EIF2AK4: variants seen among roughly 807,000 people sequenced by gnomAD.
EIF2AK4 encodes the protein eukaryotic translation initiation factor 2 alpha kinase 4, also known as eIF-2-alpha kinase GCN2.
In EIF2AK4, 139 loss-of-function variants were observed where a neutral mutation model predicts 211.1. That is an observed-to-expected ratio of 0.66 (90% CI 0.57 to 0.76). The LOEUF (loss-of-function observed/expected upper bound fraction) is 0.76, where lower values mean the gene tolerates loss of function less well. Among genes scored for constraint, EIF2AK4 ranks in the 30% least tolerant of loss-of-function variants. The probability of loss-of-function intolerance (pLI) is 0.00; values close to 1 mark genes in which losing one functional copy is unlikely to be tolerated. For synonymous variants in EIF2AK4, 710 were observed against 751.3 expected (o/e 0.94, Z 0.90); for missense variants, 1,664 against 2,043.8 (o/e 0.81, Z 3.58).
chr15:40,016,572 T>C lies in EIF2AK4; in HGVS notation c.3830T>C (p.Leu1277Ser). Residue 1277 changes from leucine to serine, a missense_variant, in exon 28 of 39, where the codon TTA becomes TCA. Leu to Ser is a moderately radical substitution (Grantham distance 145, BLOSUM62 -2). Coordinates refer to ENST00000263791, the MANE Select transcript of EIF2AK4 (RefSeq NM_001013703.4). The part of the protein sequence containing the change: ...LQDLMPTINS[L>S]IKQKTGIAQL... ...GATCTTATGCCAACAATAAATTCAT[T>C]AATAAAACAGAAAACAGGTATTGCA... 1 of 1,614,154 alleles carries C rather than the reference T, an allele frequency of 6.2e-7. No homozygotes were observed. Among genetic ancestry groups the C allele is most frequent in the South Asian group, 1.1e-5 (1 of 91,078 alleles).
intron 19 of EIF2AK4, 79 bp from the exon 20 acceptor site, chr15:39,998,652 A>C: frequency 2.6e-6 from 3 of 1,144,716 alleles, no homozygotes; most frequent in Non-Finnish European, 3.8e-6. Flanking sequence ...TCTGTATTTG[A>C]TTTTCTTACT....
At chr15:40,000,807 C>A (rs2035079401) in intron 20 of EIF2AK4, among the ~76,000 whole-genome samples, 181 bp from the exon 21 acceptor site, 1 of 149,892 alleles carries the variant, frequency 6.7e-6, no homozygotes, top group East Asian at 1.9e-4. Context: ...CATTGTTGCA[C>A]AACTCTGTGG....
rs1220017483 is a variant in EIF2AK4, at chr15:40,022,531, T to C, written c.4315T>C (p.Leu1439=). ...TTGTTTGTTTCAGTCCCAAGAGGAA[T>C]TACAAGAGTACTGCAGACATCATGA... ...MYDWSQSQEE[L]QEYCRHHEIT... The change falls in exon 32 of 39, where the codon TTA becomes CTA. Residue 1439 remains leucine, a synonymous_variant. Transcript: ENST00000263791. 3.1e-6 allele frequency: 5 copies of C among 1,614,104 alleles called. No individual in the cohort carries two copies. The highest frequency in any genetic ancestry group is 4.2e-6 in the Non-Finnish European group (5 of 1,179,960).
chr15:40,006,877 T>G (rs2035169141), intron 23 of EIF2AK4, 139 bp from the exon 24 acceptor site: 3 of 626,038 alleles, frequency 4.8e-6, no homozygotes, highest in Non-Finnish European at 8.4e-6. Context: ...GTGCATAACT[T>G]AGTGAATACA....
chr15:39,949,522 C>T (rs2034278048), intron 4 of EIF2AK4, among the ~76,000 whole-genome samples: 2 of 152,254 alleles, frequency 1.3e-5, no homozygotes, highest in Non-Finnish European at 2.9e-5. Flanking sequence ...ACCAAACCAC[C>T]TGTGGTCTTT....
intron 13 of EIF2AK4, among the ~76,000 whole-genome samples, chr15:39,985,111 A>T (rs2034846724): frequency 6.6e-6 from 1 of 152,164 alleles, no homozygotes; most frequent in African/African-American, 2.4e-5. Context: ...TGAGATAATC[A>T]TATGGTTTTT....
intron 8 of EIF2AK4, among the ~76,000 whole-genome samples, chr15:39,966,779 G>A (rs965209508): frequency 2.0e-5 from 3 of 151,986 alleles, no homozygotes; most frequent in African/African-American, 7.3e-5. Context: ...ATAACATGTG[G>A]GTATTTTCTA....
intron 32 of EIF2AK4, among the ~76,000 whole-genome samples, chr15:40,024,739 GT>G (rs71132136): frequency 2.0e-4 from 24 of 122,246 alleles, no homozygotes; most frequent in East Asian, 2.3e-4. Flanking sequence ...GCTTTTTTTT[GT>G]TTTTTTTTTT....
chr15:40,030,397 G>T lies in EIF2AK4; in HGVS notation c.4600G>T (p.Val1534Leu), dbSNP rs1225255765. The change falls in exon 35 of 39, where the codon GTG (valine) becomes TTG (leucine). Residue 1534 changes from valine (V) to leucine (L), a missense_variant. This residue lies in a region of EIF2AK4 where 138 missense variants were observed against 165.1 expected (regional missense o/e 0.84). Transcript: ENST00000263791. ...EIHGATVVPI[V>L]SVLAPEKLSA... The stretch of plus-strand genomic sequence containing the variant: ...CCATGGAGCAACAGTGGTTCCCATT[G>T]TGAGTGTGCTAGCCCCGGAGAAGCT... 3 of 1,614,152 alleles carry T rather than the reference G, an allele frequency of 1.9e-6. No homozygotes were observed. The highest frequency in any genetic ancestry group is 2.2e-5 in the East Asian group (1 of 44,886).
intron 29 of EIF2AK4, among the ~76,000 whole-genome samples, chr15:40,018,857 T>C (rs1258720953): frequency 1.3e-5 from 2 of 152,252 alleles, no homozygotes; most frequent in Non-Finnish European, 2.9e-5. Flanking sequence ...CAGTAGTCAC[T>C]TGTGACTAGT....
At chr15:39,975,256 T>TA (rs2034678064) in intron 11 of EIF2AK4, 1 of 152,226 alleles carries the variant, frequency 6.6e-6, no homozygotes, top group African/African-American at 2.4e-5. Context: ...ATAAGGGAGA[T>TA]AAAACCAGCA....
chr15:39,978,736 T>C (rs1036258697), intron 13 of EIF2AK4, among the ~76,000 whole-genome samples: 1 of 152,154 alleles, frequency 6.6e-6, no homozygotes, highest in African/African-American at 2.4e-5. Flanking sequence ...ACAAAAAATC[T>C]CATAATTTTT....
At chr15:40,027,800 A>C (rs1468656990) in intron 33 of EIF2AK4, among the ~76,000 whole-genome samples, 2 of 151,922 alleles carry the variant, frequency 1.3e-5, no homozygotes, top group East Asian at 3.9e-4. Flanking sequence ...CTGAGGCAGG[A>C]GAATGGCGTG....
At chr15:40,033,275 T>C (rs2035567824) in intron 37 of EIF2AK4, among the ~76,000 whole-genome samples, 1 of 152,218 alleles carries the variant, frequency 6.6e-6, no homozygotes, top group Admixed American at 6.5e-5. Flanking sequence ...TCGGTGTTCT[T>C]AACCACTATA....
intron 1 of EIF2AK4, among the ~76,000 whole-genome samples, chr15:39,935,164 T>C (rs1261573004): frequency 6.6e-6 from 1 of 152,266 alleles, no homozygotes; most frequent in African/African-American, 2.4e-5. Flanking sequence ...GCTCTAGACC[T>C]TTTAAAATGG....
Position 39,973,718 on chromosome 15 carries a change from T to C in EIF2AK4, c.1787T>C (p.Leu596Pro). 1 of 1,614,194 alleles carries C rather than the reference T, an allele frequency of 6.2e-7. No homozygotes were observed. The highest frequency in any genetic ancestry group is 8.5e-7 in the Non-Finnish European group (1 of 1,180,000). ...YFIEFEELQL[L>P]GKGAFGAVIK... ...ATTGAGTTTGAAGAATTACAACTTC[T>C]TGGTAAAGGAGCTTTTGGAGCTGTC... The change falls in exon 11 of 39, where the codon CTT becomes CCT. Residue 596 changes from leucine (L) to proline (P), a missense_variant. Physicochemically the swap from Leu to Pro is moderately conservative, Grantham distance 98 (BLOSUM62 -3). Coordinates refer to ENST00000263791, the MANE Select transcript of EIF2AK4 (RefSeq NM_001013703.4).
At position 39,949,174 on chromosome 15, in the gene EIF2AK4, C is replaced by T; in HGVS notation, c.419C>T (p.Pro140Leu). Residue 140 changes from proline to leucine, a missense_variant, in exon 4 of 39, where the codon CCC becomes CTC. Coordinates refer to ENST00000263791, the MANE Select transcript of EIF2AK4 (RefSeq NM_001013703.4). ...TCATTTCTCAGCGAGCATAACAAGC[C>T]CCCTCCCAAGTCTTTTCATGAAGAA... is the stretch of plus-strand genomic sequence containing the variant. ...VQSFLSEHNKPPPKSFHEEML... is the reference protein window; with the variant it reads ...VQSFLSEHNKLPPKSFHEEML... The T allele has an allele frequency of 6.2e-7, 1 of 1,614,002 alleles. No individual in the cohort carries two copies. The highest frequency in any genetic ancestry group is 8.5e-7 in the Non-Finnish European group (1 of 1,180,004).
intron 11 of EIF2AK4, 122 bp downstream of exon 11, chr15:39,973,871 A>T: frequency 9.1e-7 from 1 of 1,104,756 alleles, no homozygotes; most frequent in Non-Finnish European, 1.3e-6. Context: ...GCTGTTGGAT[A>T]CTATGCTCAT....
intron 16 of EIF2AK4, 65 bp downstream of exon 16, chr15:39,990,442 T>C: frequency 1.5e-6 from 2 of 1,361,698 alleles, no homozygotes. Context: ...ATCCTGGAAG[T>C]GTTAGCGGAT....
Sources: allele counts gnomAD v4.1 joint callset (sites outside exome capture counted in the v4.1 genomes callset), GRCh38; gene constraint gnomAD v4.1.1; regional missense constraint gnomAD v4.1.1; transcripts MANE v1.5; gene names NCBI Gene and HGNC (gene_info 2026-07-23, HGNC 2026-07-21).